The following SLC35A1 variants were observed in gnomAD, a reference collection of about 807,000 sequenced individuals.
The protein encoded by SLC35A1 is solute carrier family 35 member A1.
A neutral mutation model predicts 40.3 loss-of-function variants in SLC35A1; 21 were observed. The ratio of observed to expected loss-of-function variants is 0.52; its 90% CI spans 0.37 to 0.75. SLC35A1 has a LOEUF of 0.75. Ranked by LOEUF, SLC35A1 falls within the 30% of genes least tolerant of loss-of-function variation. The pLI, the probability that SLC35A1 is intolerant of heterozygous loss-of-function variation, is 0.00. For synonymous variants in SLC35A1, 146 were observed against 147.3 expected (o/e 0.99, Z 0.06); for missense variants, 297 against 382.1 (o/e 0.78, Z 1.86).
chr6:87,473,369 A>C (rs1768974521), intron 1 of SLC35A1, among the ~76,000 whole-genome samples: 1 of 151,920 alleles, frequency 6.6e-6, no homozygotes, highest in Non-Finnish European at 1.5e-5. Flanking sequence ...CGCATTACCC[A>C]GCGAGGCAGG....
At chr6:87,510,233 T>C (rs1024682505) in intron 7 of SLC35A1, among the ~76,000 whole-genome samples, 3 of 152,206 alleles carry the variant, frequency 2.0e-5, no homozygotes, top group Non-Finnish European at 4.4e-5. Flanking sequence ...CAGGTACTTA[T>C]AGGCTTTCCC....
chr6:87,510,118 A>C (rs1160838886), intron 7 of SLC35A1, among the ~76,000 whole-genome samples: 1 of 152,148 alleles, frequency 6.6e-6, no homozygotes, highest in African/African-American at 2.4e-5. Flanking sequence ...CACTTTCTTC[A>C]TCTGTAAAAT....
chr6:87,476,650 G>A (rs1047799532), intron 1 of SLC35A1, among the ~76,000 whole-genome samples: 7 of 151,844 alleles, frequency 4.6e-5, no homozygotes, highest in African/African-American at 1.2e-4. Flanking sequence ...GCTTGAACCC[G>A]GGAGGTGGAG....
chr6:87,473,123 C>G (rs910169448), intron 1 of SLC35A1, 104 bp downstream of exon 1: 1 of 411,754 alleles, frequency 2.4e-6, no homozygotes, highest in Non-Finnish European at 4.3e-6. Context: ...CCTGGTTGCC[C>G]AGTGCCTCTG....
chr6:87,495,690 C>G (rs1296630510), intron 2 of SLC35A1, among the ~76,000 whole-genome samples: 1 of 150,678 alleles, frequency 6.6e-6, no homozygotes, highest in Non-Finnish European at 1.5e-5. Context: ...GAGTCTAGCT[C>G]TGTCGCCCAG....
chr6:87,510,153 G>C (rs1024517735), intron 7 of SLC35A1, among the ~76,000 whole-genome samples: 1 of 152,162 alleles, frequency 6.6e-6, no homozygotes, highest in Non-Finnish European at 1.5e-5. Context: ...CTATTGCCTA[G>C]TGGTGTTTTC....
intron 2 of SLC35A1, among the ~76,000 whole-genome samples, chr6:87,494,694 G>A (rs1769666467): frequency 6.6e-6 from 1 of 152,008 alleles, no homozygotes; most frequent in African/African-American, 2.4e-5. Flanking sequence ...CAAAGTGCTG[G>A]GATTACAGGC....
chr6:87,473,823 C>T (rs138730059), intron 1 of SLC35A1, among the ~76,000 whole-genome samples: 1 of 152,338 alleles, frequency 6.6e-6, no homozygotes, highest in East Asian at 1.9e-4. Flanking sequence ...AGTTGGGCAA[C>T]ACCCGGATTC....
At position 87,478,193 on chromosome 6, in the gene SLC35A1, A is replaced by G. The variant is rs184888407; in HGVS notation, c.194+654A>G. Reference sequence around the variant, plus strand: ...CTTTGAATCAAAAACATCATGCAAGAATTGTTTAGCTAAGGATGTGGTATA... The same window carrying G: ...CTTTGAATCAAAAACATCATGCAAGGATTGTTTAGCTAAGGATGTGGTATA... On this transcript the variant is annotated intron_variant, in intron 2 of 7. Coordinates refer to ENST00000369552, the MANE Select transcript of SLC35A1 (RefSeq NM_006416.5). 2.4e-4 allele frequency among the ~76,000 whole-genome samples: 36 copies of G among 152,278 alleles called. 1 individual carries two copies. In the East Asian group the frequency reaches 3.9e-3, roughly 16 times the overall value.
At chr6:87,480,083 G>A (rs904366727) in intron 2 of SLC35A1, among the ~76,000 whole-genome samples, 3 of 152,224 alleles carry the variant, frequency 2.0e-5, no homozygotes, top group Non-Finnish European at 2.9e-5. Context: ...GCTCAGGGAT[G>A]AATAAGGGCA....
At chr6:87,490,899 T>C (rs1051103202) in intron 2 of SLC35A1, among the ~76,000 whole-genome samples, 2 of 152,238 alleles carry the variant, frequency 1.3e-5, no homozygotes, top group Non-Finnish European at 2.9e-5. Flanking sequence ...AAATGTGTTA[T>C]GTAAAATGCC....
At chr6:87,509,342 T>TGTG (rs1158447566) in intron 7 of SLC35A1, among the ~76,000 whole-genome samples, 167 bp downstream of exon 7, 1 of 152,194 alleles carries the variant, frequency 6.6e-6, no homozygotes, top group South Asian at 2.1e-4. Flanking sequence ...TTGTGTGGGA[T>TGTG]GTGGCTAAGC....
At chr6:87,492,014 C>T (rs1030516470) in intron 2 of SLC35A1, among the ~76,000 whole-genome samples, 1 of 152,156 alleles carries the variant, frequency 6.6e-6, no homozygotes, top group Non-Finnish European at 1.5e-5. Context: ...TGACATTCTT[C>T]TATTTGTGTG....
chr6:87,499,682 T>TA (rs1769857802), intron 2 of SLC35A1, among the ~76,000 whole-genome samples: 1 of 152,220 alleles, frequency 6.6e-6, no homozygotes, highest in African/African-American at 2.4e-5. Flanking sequence ...AGAATATTCT[T>TA]ACATAAGGAT....
At chr6:87,506,509 G>A (rs1431303806) in intron 5 of SLC35A1, 61 bp downstream of exon 5, 32 of 1,261,882 alleles carry the variant, frequency 2.5e-5, no homozygotes, top group Non-Finnish European at 3.6e-5. Context: ...TCAAACTTTA[G>A]ACACCAGTCT....
intron 2 of SLC35A1, among the ~76,000 whole-genome samples, chr6:87,499,759 AC>A (rs11351042): frequency 0.11 from 16,825 of 152,200 alleles, 978 homozygotes; most frequent in East Asian, 0.15. Flanking sequence ...ACTCTTCCTA[AC>A]CCACTTAACG....
intron 2 of SLC35A1, among the ~76,000 whole-genome samples, chr6:87,481,506 C>T (rs1010225379): frequency 1.3e-5 from 2 of 151,880 alleles, no homozygotes; most frequent in Admixed American, 6.6e-5. Flanking sequence ...TAGAAACTTC[C>T]TGAGAAACCT....
At chr6:87,510,185 GT>G (rs1770221450) in intron 7 of SLC35A1, among the ~76,000 whole-genome samples, 1 of 152,124 alleles carries the variant, frequency 6.6e-6, no homozygotes, top group African/African-American at 2.4e-5. Context: ...TTAGAGTAGT[GT>G]TTGACACTAC....
At chr6:87,510,374 G>A (rs1014267622) in intron 7 of SLC35A1, among the ~76,000 whole-genome samples, 2 of 152,140 alleles carry the variant, frequency 1.3e-5, no homozygotes, top group African/African-American at 2.4e-5. Flanking sequence ...TTTGTTTAAT[G>A]TTCTTACTGA....
Sources: allele counts gnomAD v4.1 joint callset (sites outside exome capture counted in the v4.1 genomes callset), GRCh38; gene constraint gnomAD v4.1.1; transcripts MANE v1.5; gene names NCBI Gene and HGNC (gene_info 2026-07-23, HGNC 2026-07-21).